The following RORA variants were observed in gnomAD, a reference collection of about 807,000 sequenced individuals.
RORA encodes nuclear receptor ROR-alpha.
RORA carries 7 observed loss-of-function variants against 69.5 expected under a neutral mutation model. The observed-to-expected ratio is 0.10, with a 90% CI of 0.06 to 0.19. RORA has a LOEUF of 0.19. Ranked by LOEUF, RORA falls within the 10% of genes least tolerant of loss-of-function variation. The pLI is 1.00. For missense variants in RORA, 457 were observed against 663.0 expected (o/e 0.69, Z 3.41); for synonymous variants, 261 against 240.8 (o/e 1.08, Z -0.78).
intron 1 of RORA, among the ~76,000 whole-genome samples, chr15:61,094,066 A>T (rs2078752713): frequency 6.6e-6 from 1 of 152,178 alleles, no homozygotes; most frequent in African/African-American, 2.4e-5. Flanking sequence ...CACAGGAGAG[A>T]GCCTCATGCT....
At chr15:61,181,680 CAAAAAAA>C (rs749054081) in intron 1 of RORA, among the ~76,000 whole-genome samples, 113 of 57,746 alleles carry the variant, frequency 2.0e-3, no homozygotes, top group African/African-American at 4.2e-3. Context: ...TTAGCTTTGG[CAAAAAAA>C]AAAAAAAAAA....
chr15:61,069,637 T>C (rs1379084537), intron 1 of RORA, among the ~76,000 whole-genome samples: 1 of 151,696 alleles, frequency 6.6e-6, no homozygotes, highest in East Asian at 1.9e-4. Flanking sequence ...TAACATTGAT[T>C]AATCCACATT....
At chr15:60,633,525 A>G (rs147380390) in intron 2 of RORA, among the ~76,000 whole-genome samples, 1 of 152,368 alleles carries the variant, frequency 6.6e-6, no homozygotes, top group East Asian at 1.9e-4. Flanking sequence ...CTGAACTTAA[A>G]TAGCCCCCTT....
intron 1 of RORA, among the ~76,000 whole-genome samples, chr15:61,015,649 T>C (rs937271897): frequency 6.6e-6 from 1 of 152,210 alleles, no homozygotes; most frequent in Non-Finnish European, 1.5e-5. Flanking sequence ...TGTGCTATTA[T>C]TATTTTACTC....
At chr15:61,040,232 T>G (rs1317540110) in intron 1 of RORA, among the ~76,000 whole-genome samples, 1 of 145,706 alleles carries the variant, frequency 6.9e-6, no homozygotes, top group African/African-American at 2.5e-5. Context: ...CTTAAATAGG[T>G]AGGTGGTATA....
rs1891575389 is a variant in RORA, at chr15:60,907,381, G to A, written c.167-228695C>T. ...AAAGTCAGTGGAAAGAGCAATGTAA[G>A]AGGAGTCAGGAGTCAGGGGCCATCC... On this transcript the variant is annotated intron_variant, in intron 1 of 10. Transcript: ENST00000335670. 2.6e-5 allele frequency among the ~76,000 whole-genome samples: 4 copies of A among 152,184 alleles called. No homozygotes were observed. In the South Asian group the frequency reaches 8.3e-4, roughly 32 times the overall value.
intron 1 of RORA, among the ~76,000 whole-genome samples, chr15:60,940,868 A>C (rs1242087073): frequency 6.6e-6 from 1 of 152,172 alleles, no homozygotes; most frequent in Non-Finnish European, 1.5e-5. Flanking sequence ...CAAAGCTTGC[A>C]GTGAGCCAAG....
chr15:60,894,223 A>G (rs1210493574), intron 1 of RORA, among the ~76,000 whole-genome samples: 1 of 152,230 alleles, frequency 6.6e-6, no homozygotes, highest in African/African-American at 2.4e-5. Context: ...ATCATTTTTT[A>G]ACACGGCAGC....
chr15:61,028,099 A>T (rs1260827100), intron 1 of RORA, among the ~76,000 whole-genome samples: 1 of 152,188 alleles, frequency 6.6e-6, no homozygotes, highest in East Asian at 1.9e-4. Flanking sequence ...TCCTCTTCAC[A>T]TCTGACAGTA....
chr15:60,853,807 A>G (rs1036597308), intron 1 of RORA, among the ~76,000 whole-genome samples: 6 of 152,220 alleles, frequency 3.9e-5, no homozygotes, highest in African/African-American at 1.4e-4. Context: ...TCAAATCTCA[A>G]TTGTTGTCCC....
intron 5 of RORA, among the ~76,000 whole-genome samples, chr15:60,506,058 G>A (rs905956669): frequency 4.6e-5 from 7 of 152,314 alleles, no homozygotes; most frequent in Middle Eastern, 3.4e-3. Context: ...TTCTTTTATG[G>A]TGACAACTAG....
intron 1 of RORA, among the ~76,000 whole-genome samples, chr15:61,036,666 C>T (rs924978315): frequency 2.0e-5 from 3 of 151,892 alleles, no homozygotes; most frequent in Admixed American, 6.6e-5. Context: ...TTCATGTTAC[C>T]GCTTCCAGGT....
At chr15:60,592,696 G>T (rs1331971247) in intron 2 of RORA, 102 of 1,037,382 alleles carry the variant, frequency 9.8e-5, no homozygotes, top group Non-Finnish European at 1.1e-4. Flanking sequence ...CCCCGCCCCC[G>T]CGGGCAGGTG....
chr15:60,986,914 G>A (rs577716427), intron 1 of RORA, among the ~76,000 whole-genome samples: 26 of 152,182 alleles, frequency 1.7e-4, no homozygotes, highest in African/African-American at 5.5e-4. Flanking sequence ...AACACAATCC[G>A]CAGACCGGGT....
intron 1 of RORA, among the ~76,000 whole-genome samples, chr15:60,783,136 T>C (rs535576361): frequency 1.3e-5 from 2 of 152,282 alleles, no homozygotes; most frequent in East Asian, 1.9e-4. Context: ...ATATTGATAA[T>C]GGAATAGTAA....
At chr15:60,709,231 A>G (rs2071109938) in intron 1 of RORA, among the ~76,000 whole-genome samples, 1 of 152,206 alleles carries the variant, frequency 6.6e-6, no homozygotes. Flanking sequence ...GCAGTAATTA[A>G]CAGCTACTAC....
rs1237403963 is a variant in RORA at position 60,592,502 on chromosome 15, A to C, written c.197-60651T>G. The C allele has an allele frequency of 9.1e-6, 12 of 1,316,886 alleles. No individual in the cohort carries two copies. In the East Asian group the frequency reaches 1.3e-4, roughly 14 times the overall value. The allele number at this position is 1,316,886 out of a possible 1,614,324, so 81.6% of individuals were successfully genotyped here. On this transcript the variant is annotated intron_variant, in intron 2 of 10. Transcript: ENST00000335670. ...GCCGCCGCCGCGCCGCCGCCGCCCG[A>C]GCCACAGCAGCAGCTGCCGCAGCTG...
At chr15:61,192,949 T>C (rs1448540556) in intron 1 of RORA, among the ~76,000 whole-genome samples, 1 of 151,054 alleles carries the variant, frequency 6.6e-6, no homozygotes, top group Non-Finnish European at 1.5e-5. Context: ...CACATACTAG[T>C]TGTTGCTATT....
At chr15:60,965,175 G>A (rs1457910919) in intron 1 of RORA, among the ~76,000 whole-genome samples, 1 of 152,164 alleles carries the variant, frequency 6.6e-6, no homozygotes, top group Non-Finnish European at 1.5e-5. Context: ...CTTGGGTACT[G>A]CAGTGATCTT....
Sources: allele counts gnomAD v4.1 joint callset (sites outside exome capture counted in the v4.1 genomes callset), GRCh38; gene constraint gnomAD v4.1.1; transcripts MANE v1.5; gene names NCBI Gene and HGNC (gene_info 2026-07-23, HGNC 2026-07-21).